ZNF691: variants seen among roughly 807,000 people sequenced by gnomAD.
ZNF691 encodes zinc finger protein 691.
A neutral mutation model predicts 24.1 loss-of-function variants in ZNF691; 11 were observed. The ratio of observed to expected loss-of-function variants is 0.46; its 90% CI spans 0.29 to 0.75. The LOEUF (loss-of-function observed/expected upper bound fraction) is 0.75, where lower values mean the gene tolerates loss of function less well. Among genes scored for constraint, ZNF691 ranks in the 30% least tolerant of loss-of-function variants. ZNF691 has a pLI of 0.11. For missense variants in ZNF691, 356 were observed against 409.0 expected, an observed-to-expected ratio of 0.87 and a Z score of 1.12; for synonymous variants, 149 against 153.9, an observed-to-expected ratio of 0.97 and a Z score of 0.23.
Position 42,850,765 on chromosome 1 carries a change from T to C in ZNF691, c.85-185T>C, listed in dbSNP as rs770121535. On this transcript the variant is annotated intron_variant, in intron 3 of 3. Transcript: ENST00000651192. Reference sequence around the variant, plus strand: ...TCTGGTGGGTAGCTTTAAATATCTCTGAAAGTTTGTCACTTAAAAGGTAGC... The same window carrying C: ...TCTGGTGGGTAGCTTTAAATATCTCCGAAAGTTTGTCACTTAAAAGGTAGC... 1.9e-6 allele frequency: 3 copies of C among 1,550,418 alleles called. No homozygotes were observed. The South Asian group carries it at 3.6e-5, about 18-fold the overall frequency.
At position 42,851,493 on chromosome 1, in the gene ZNF691, C is replaced by A; in HGVS notation, c.628C>A (p.Gln210Lys). The change falls in exon 4 of 4, where the codon CAG (glutamine) becomes AAG (lysine). Residue 210 changes from glutamine (Q) to lysine (K), a missense_variant. Coordinates refer to ENST00000651192, the MANE Select transcript of ZNF691 (RefSeq NM_001242739.2). This position sits in a 1 kb window ranked among gnomAD's most constrained non-coding sequence, Gnocchi z 4.7. Reference sequence around the variant, plus strand: ...TGACATCTGTGGCAAGAGCTTCAGCCAGAGTGCCACGCTAGCTGTGCATCA... The same window carrying A: ...TGACATCTGTGGCAAGAGCTTCAGCAAGAGTGCCACGCTAGCTGTGCATCA... Reference protein sequence around the residue: ...RCDICGKSFSQSATLAVHHRT... With the variant: ...RCDICGKSFSKSATLAVHHRT... The A allele has an allele frequency of 6.2e-7, 1 of 1,614,194 alleles. No individual in the cohort carries two copies. Among genetic ancestry groups the A allele is most frequent in the Non-Finnish European group, 8.5e-7 (1 of 1,180,044 alleles).
chr1:42,852,197 G>C lies in ZNF691; in HGVS notation c.*384G>C. On this transcript the variant is annotated 3_prime_UTR_variant, in exon 4 of 4. Coordinates refer to ENST00000651192, the MANE Select transcript of ZNF691 (RefSeq NM_001242739.2). ...AGGTTCTCCAAATTGTCTGTGAACT[G>C]CTTAGGTAGGAGTGCACTGCAGTTT... is the stretch of plus-strand genomic sequence containing the variant. 1 of 374,076 alleles carries C rather than the reference G, an allele frequency of 2.7e-6. No individual in the cohort carries two copies. The highest frequency in any genetic ancestry group is 5.4e-6 in the Non-Finnish European group (1 of 184,846). 23.2% of individuals were successfully genotyped at this position (374,076 alleles called of 1,614,324 possible).
At chr1:42,848,043 G>A (rs1655287266) in intron 1 of ZNF691, among the ~76,000 whole-genome samples, 1 of 152,224 alleles carries the variant, frequency 6.6e-6, no homozygotes, top group South Asian at 2.1e-4. Context: ...TGCATTGTAT[G>A]ACAATTTCTG....
Position 42,851,182 on chromosome 1 carries a change from C to T in ZNF691, c.317C>T (p.Pro106Leu), listed in dbSNP as rs772976665. The change falls in exon 4 of 4, where the codon CCA becomes CTA. Residue 106 changes from proline (P) to leucine (L), a missense_variant. By Grantham distance (98) the Pro-to-Leu change is moderately conservative (BLOSUM62 -3). Coordinates refer to ENST00000651192, the MANE Select transcript of ZNF691 (RefSeq NM_001242739.2). The surrounding 1 kb of genome is among the most constrained non-coding windows in gnomAD (Gnocchi z 4.7). ...GAGCTAGGGGACCCCATTGCTCATC[C>T]AAGGCATGAGGCAGATGAGAAGCCC... ...ARELGDPIAH[P>L]RHEADEKPFI... The T allele has an allele frequency of 5.0e-5, 80 of 1,614,210 alleles. 1 individual carries two copies. In the South Asian group the frequency reaches 7.0e-4, roughly 14 times the overall value.
Position 42,851,864 on chromosome 1 carries a change from T to C in ZNF691, c.*51T>C, listed in dbSNP as rs921092252. ...AGAGAGAGTGAGAGACCCTAACCTA[T>C]TGGAGGAAGATCTTCAGCATCTTTT... On this transcript the variant is annotated 3_prime_UTR_variant, in exon 4 of 4. Coordinates refer to ENST00000651192, the MANE Select transcript of ZNF691 (RefSeq NM_001242739.2). This position sits in a 1 kb window ranked among gnomAD's most constrained non-coding sequence, Gnocchi z 4.7. The C allele has an allele frequency of 1.7e-5, 27 of 1,609,762 alleles. No homozygotes were observed. The highest frequency in any genetic ancestry group is 1.0e-4 in the Admixed American group (6 of 59,396).
In ZNF691 at chr1:42,850,640, C is replaced by G. The variant is rs1379105048; in HGVS notation, c.85-310C>G. ...CTTTTACTTGCCCATGAATTATAGT[C>G]TGGATTGTCATTGCTTAGTGGTTTC... On this transcript the variant is annotated intron_variant, in intron 3 of 3. Transcript: ENST00000651192. 10 of 1,547,040 alleles carry G rather than the reference C, an allele frequency of 6.5e-6. No homozygotes were observed. In the Admixed American group the frequency reaches 2.0e-4, roughly 31 times the overall value.
intron 1 of ZNF691, among the ~76,000 whole-genome samples, 161 bp downstream of exon 1, chr1:42,846,818 C>T (rs1199765433): frequency 0.11 from 2 of 18 alleles, no homozygotes; most frequent in Non-Finnish European, 0.5. Flanking sequence ...TCCGCCGCGA[C>T]CCTCGCCCTG....
At chr1:42,848,843 A>T (rs954509714) in intron 1 of ZNF691, among the ~76,000 whole-genome samples, 1 of 152,190 alleles carries the variant, frequency 6.6e-6, no homozygotes, top group Non-Finnish European at 1.5e-5. Flanking sequence ...GTCAGGAAAC[A>T]GTGTCTAAGT....
At chr1:42,849,814 C>A in intron 3 of ZNF691, 72 bp downstream of exon 3, 1 of 1,290,174 alleles carries the variant, frequency 7.8e-7, no homozygotes, top group Non-Finnish European at 1.1e-6. Flanking sequence ...GCTTAGCACA[C>A]ATTAGTGATG....
intron 3 of ZNF691, chr1:42,850,482 TTTG>T (rs980509654): frequency 2.0e-6 from 2 of 985,312 alleles, no homozygotes; most frequent in African/African-American, 3.5e-5. Context: ...GAGGTTTTGT[TTTG>T]TTCATTTTGA....
intron 3 of ZNF691, chr1:42,850,386 G>C: frequency 2.0e-6 from 2 of 984,388 alleles, no homozygotes; most frequent in Non-Finnish European, 2.4e-6. Flanking sequence ...GCTAGATTCT[G>C]GTGTGGGCTG....
chr1:42,848,311 C>A (rs1570556049), intron 1 of ZNF691, among the ~76,000 whole-genome samples: 1 of 151,698 alleles, frequency 6.6e-6, no homozygotes, highest in Admixed American at 6.6e-5. Flanking sequence ...AAGATCACAT[C>A]CTGTCACTTA....
rs1655401099 is a variant in ZNF691, at chr1:42,851,733, A to C, written c.868A>C (p.Lys290Gln). 3.7e-6 allele frequency: 6 copies of C among 1,614,240 alleles called. No individual in the cohort carries two copies. The highest frequency in any genetic ancestry group is 5.1e-6 in the Non-Finnish European group (6 of 1,180,038). Residue 290 changes from lysine to glutamine, a missense_variant, in exon 4 of 4, where the codon AAA becomes CAA. Lys to Gln is a moderately conservative substitution (Grantham distance 53). Coordinates refer to ENST00000651192, the MANE Select transcript of ZNF691 (RefSeq NM_001242739.2). This position sits in a 1 kb window ranked among gnomAD's most constrained non-coding sequence, Gnocchi z 4.7. Reference protein sequence around the residue: ...EKPYRCTVCGKHFSRSSNLIR... With the variant: ...EKPYRCTVCGQHFSRSSNLIR... ...GCCCTACCGGTGCACTGTGTGTGGG[A>C]AACACTTCTCCCGGAGCTCGAATCT...
chr1:42,850,694 A>C (rs755492351), intron 3 of ZNF691: 1 of 1,550,520 alleles, frequency 6.4e-7, no homozygotes, highest in African/African-American at 1.4e-5. Context: ...CAAATGGCAC[A>C]AATATCATCT....
At chr1:42,849,889 AGTGTG>A in intron 3 of ZNF691, 147 bp downstream of exon 3, 2 of 701,392 alleles carry the variant, frequency 2.9e-6, no homozygotes, top group Non-Finnish European at 5.0e-6. Context: ...GGGTGTGGGG[AGTGTG>A]GTTTGTGTGT....
chr1:42,850,820 G>T (rs1416954844), intron 3 of ZNF691, 130 bp from the exon 4 acceptor site: 2 of 1,553,298 alleles, frequency 1.3e-6, no homozygotes, highest in Non-Finnish European at 1.7e-6. Context: ...AAGTATTCCA[G>T]TTGATTGAGG....
chr1:42,849,796 T>C (rs1411542723), intron 3 of ZNF691, 54 bp downstream of exon 3: 12 of 1,408,816 alleles, frequency 8.5e-6, no homozygotes, highest in African/African-American at 1.4e-5. Context: ...CCCAAAGGAG[T>C]CTGTGCAGCT....
rs1483241218 is a variant in ZNF691, at chr1:42,851,075, G to T, written c.210G>T (p.Glu70Asp). Residue 70 changes from glutamate (E) to aspartate (D), a missense_variant, in exon 4 of 4, where the codon GAG becomes GAT. Glu to Asp is a conservative substitution (Grantham distance 45). Coordinates refer to ENST00000651192, the MANE Select transcript of ZNF691 (RefSeq NM_001242739.2). The surrounding 1 kb of genome is among the most constrained non-coding windows in gnomAD (Gnocchi z 4.7). ...EGSWIPPGEK[E>D]HGQESLSDEL... ...CTTGGATCCCACCTGGGGAGAAGGA[G>T]CATGGGCAAGAGAGCCTGTCGGATG... is the stretch of plus-strand genomic sequence containing the variant. 1 of 1,606,942 alleles carries T rather than the reference G, an allele frequency of 6.2e-7. No individual in the cohort carries two copies. The highest frequency in any genetic ancestry group is 8.5e-7 in the Non-Finnish European group (1 of 1,176,340).
At chr1:42,849,539 C>G (rs1655323157) in intron 2 of ZNF691, 26 bp from the exon 3 acceptor site, 1 of 826,870 alleles carries the variant, frequency 1.2e-6, no homozygotes, top group Admixed American at 2.0e-5. Context: ...GTACCCCTTT[C>G]TTTATTCTGT....
Sources: gnomAD v4.1 joint callset for allele counts (sites outside exome capture counted in the v4.1 genomes callset) on GRCh38, gnomAD v4.1.1 for gene constraint, Gnocchi (gnomAD v3.1) non-coding constraint, MANE v1.5 for transcripts, NCBI Gene and HGNC (gene_info 2026-07-23, HGNC 2026-07-21) for gene names.